POLQ: variants seen among roughly 807,000 people sequenced by gnomAD.
POLQ encodes the protein epididymis secretory sperm binding protein.
A neutral mutation model predicts 259.2 loss-of-function variants in POLQ; 233 were observed. That is an observed-to-expected ratio of 0.90 (90% confidence interval 0.81 to 1.00). The LOEUF (loss-of-function observed/expected upper bound fraction) is 1.00, where lower values mean the gene tolerates loss of function less well. Ranked by LOEUF, POLQ falls within the 50% of genes least tolerant of loss-of-function variation. The probability of loss-of-function intolerance (pLI) is 0.00; values close to 1 mark genes in which losing one functional copy is unlikely to be tolerated. For missense variants in POLQ, 2,871 were observed against 3,051.6 expected, an observed-to-expected ratio of 0.94 and a Z score of 1.39; for synonymous variants, 1,025 against 1,048.8, an observed-to-expected ratio of 0.98 and a Z score of 0.44.
chr3:121,502,413 AG>A (rs2048178042), intron 12 of POLQ, among the ~76,000 whole-genome samples: 1 of 152,220 alleles, frequency 6.6e-6, no homozygotes, highest in African/African-American at 2.4e-5. Flanking sequence ...CATGATGACC[AG>A]GCTGGTCTTG....
rs2047847986 is a variant in POLQ, at chr3:121,467,527, G to C, written c.6959C>G (p.Pro2320Arg). The change falls in exon 24 of 30, where the codon CCT becomes CGT. Residue 2320 changes from proline (P) to arginine (R), a missense_variant. Physicochemically the swap from Pro to Arg is moderately radical, Grantham distance 103. This residue lies in a region of POLQ where 2,080 missense variants were observed against 2,126.0 expected (regional missense o/e 0.98). Transcript: ENST00000264233. The part of the protein sequence containing the change: ...FSISMRHAFV[P>R]FPGGSILAAD... ...GCTATCAGCCACCTTACCTGGGAAA[G>C]GCACAAAGGCATGTCGCATGCTAAT... is the stretch of plus-strand genomic sequence containing the variant. 6.2e-7 allele frequency: 1 copy of C among 1,613,532 alleles called. No homozygotes were observed. Among genetic ancestry groups the C allele is most frequent in the African/African-American group, 1.3e-5 (1 of 74,914 alleles).
intron 12 of POLQ, among the ~76,000 whole-genome samples, chr3:121,507,389 CT>C (rs778450866): frequency 6.6e-5 from 10 of 152,148 alleles, no homozygotes; most frequent in Non-Finnish European, 1.5e-4. Flanking sequence ...AATATATTGT[CT>C]AAGAAATCCA....
chr3:121,455,966 T>C (rs1479034423), intron 25 of POLQ, among the ~76,000 whole-genome samples: 2 of 152,166 alleles, frequency 1.3e-5, no homozygotes, highest in Non-Finnish European at 2.9e-5. Context: ...TGATGAACAT[T>C]GATGCAAAAA....
chr3:121,530,245 C>A (rs980152839), intron 6 of POLQ, among the ~76,000 whole-genome samples: 2 of 152,124 alleles, frequency 1.3e-5, no homozygotes, highest in African/African-American at 2.4e-5. Flanking sequence ...CTATTTTTCA[C>A]TCTCAGCACA....
chr3:121,482,909 C>T (rs73193625), intron 18 of POLQ, among the ~76,000 whole-genome samples: 5,501 of 152,254 alleles, frequency 0.036, 150 homozygotes, highest in Middle Eastern at 0.082. Flanking sequence ...TCATACTTTG[C>T]TATTATAAAG....
intron 24 of POLQ, among the ~76,000 whole-genome samples, chr3:121,467,023 G>C (rs1303609565): frequency 6.6e-6 from 1 of 152,186 alleles, no homozygotes; most frequent in Admixed American, 6.5e-5. Flanking sequence ...AGAGTATTGA[G>C]GAGGGGTCAG....
chr3:121,490,118 T>C lies in POLQ; in HGVS notation c.2813A>G (p.Asn938Ser). ...ATCACTAAATATTGTGTTACTTTTGTTCTTTGATGTTAATTTTTTATAAGA... is the reference window on the plus strand; with the variant it reads ...ATCACTAAATATTGTGTTACTTTTGCTCTTTGATGTTAATTTTTTATAAGA... ...KSSYKKLTSK[N>S]KSNTIFSDSY... Residue 938 changes from asparagine to serine, a missense_variant, in exon 16 of 30, where the codon AAC becomes AGC. Asn to Ser is a conservative substitution (Grantham distance 46). This residue lies in a region of POLQ where 2,080 missense variants were observed against 2,126.0 expected (regional missense o/e 0.98). Coordinates refer to ENST00000264233, the MANE Select transcript of POLQ (RefSeq NM_199420.4). 1.2e-6 allele frequency: 2 copies of C among 1,605,154 alleles called. No homozygotes were observed. The highest frequency in any genetic ancestry group is 1.1e-5 in the South Asian group (1 of 89,806).
chr3:121,501,754 G>A (rs544060817), intron 12 of POLQ, among the ~76,000 whole-genome samples: 100 of 151,450 alleles, frequency 6.6e-4, no homozygotes, highest in Middle Eastern at 6.8e-3. Flanking sequence ...CTGGGTGGGC[G>A]GGGTTTGGAT....
At chr3:121,434,054 G>A (rs180870347) in intron 28 of POLQ, among the ~76,000 whole-genome samples, 2 of 152,326 alleles carry the variant, frequency 1.3e-5, no homozygotes, top group East Asian at 3.9e-4. Flanking sequence ...AATCGGATCT[G>A]CCCCATGAAG....
chr3:121,486,616 C>A (rs1560096315), intron 16 of POLQ, among the ~76,000 whole-genome samples: 1 of 152,076 alleles, frequency 6.6e-6, no homozygotes, highest in Non-Finnish European at 1.5e-5. Flanking sequence ...GTAATCCCAG[C>A]ACTTTGAAAG....
chr3:121,521,853 G>A (rs965195300), intron 8 of POLQ, 150 bp downstream of exon 8: 6 of 498,264 alleles, frequency 1.2e-5, no homozygotes, highest in African/African-American at 8.1e-5. Flanking sequence ...TTACAGGAGT[G>A]AGCCACCACG....
At chr3:121,475,266 T>G (rs1273420875) in intron 20 of POLQ, among the ~76,000 whole-genome samples, 6 of 152,214 alleles carry the variant, frequency 3.9e-5, no homozygotes, top group African/African-American at 1.4e-4. Context: ...TTCGAGGAGT[T>G]CAACTTCATT....
intron 29 of POLQ, 79 bp downstream of exon 29, chr3:121,432,839 G>T: frequency 2.4e-6 from 2 of 849,978 alleles, no homozygotes; most frequent in Non-Finnish European, 4.0e-6. Context: ...AAATCCTCAT[G>T]CACAGGAAAC....
At chr3:121,464,999 GA>G (rs2047823588) in intron 24 of POLQ, among the ~76,000 whole-genome samples, 1 of 151,928 alleles carries the variant, frequency 6.6e-6, no homozygotes, top group African/African-American at 2.4e-5. Flanking sequence ...TCTAAAAAAA[GA>G]TGAACCAGCT....
chr3:121,501,118 C>T (rs2048164195), intron 12 of POLQ, among the ~76,000 whole-genome samples: 1 of 151,934 alleles, frequency 6.6e-6, no homozygotes, highest in Non-Finnish European at 1.5e-5. Flanking sequence ...TGCATACCAC[C>T]ACACCTGGCT....
chr3:121,530,524 G>A (rs2048403791), intron 6 of POLQ, among the ~76,000 whole-genome samples: 1 of 152,098 alleles, frequency 6.6e-6, no homozygotes, highest in Non-Finnish European at 1.5e-5. Flanking sequence ...TTAAAAGAGA[G>A]TTTTACGGTG....
In POLQ at chr3:121,489,630, C is replaced by T; in HGVS notation, c.3301G>A (p.Val1101Ile). Reference sequence around the variant, plus strand: ...TCTTTTTCCTTACCACTCAAAGATACATTTTTAGCAAATGGCCCTGAATTT... The same window carrying T: ...TCTTTTTCCTTACCACTCAAAGATATATTTTTAGCAAATGGCCCTGAATTT... The part of the protein sequence containing the change: ...FRNSGPFAKN[V>I]SLSGKEKDNK... Residue 1101 changes from valine to isoleucine, a missense_variant, in exon 16 of 30, where the codon GTA (valine) becomes ATA (isoleucine). By Grantham distance (29) the Val-to-Ile change is conservative (BLOSUM62 3). Around this residue, in one of 3 missense-constraint regions of POLQ, gnomAD observed 2,080 missense variants for 2,126.0 expected, o/e 0.98. Transcript: ENST00000264233. The T allele has an allele frequency of 1.2e-6, 2 of 1,613,790 alleles. No homozygotes were observed. Among genetic ancestry groups the T allele is most frequent in the East Asian group, 2.2e-5 (1 of 44,888 alleles).
chr3:121,464,120 T>C (rs1576406084), intron 24 of POLQ, among the ~76,000 whole-genome samples: 1 of 152,250 alleles, frequency 6.6e-6, no homozygotes, highest in African/African-American at 2.4e-5. Flanking sequence ...TTTATGTTTT[T>C]TGACTGATAT....
chr3:121,528,580 T>TCAG (rs1351763868), intron 7 of POLQ, among the ~76,000 whole-genome samples: 1 of 151,956 alleles, frequency 6.6e-6, no homozygotes, highest in African/African-American at 2.4e-5. Flanking sequence ...TGACCTCAGG[T>TCAG]GATCCACCCT....
Sources: allele counts gnomAD v4.1 joint callset (sites outside exome capture counted in the v4.1 genomes callset), GRCh38; gene constraint gnomAD v4.1.1; regional missense constraint gnomAD v4.1.1; transcripts MANE v1.5; gene names NCBI Gene and HGNC (gene_info 2026-07-23, HGNC 2026-07-21).